MDN1: variants seen among roughly 807,000 people sequenced by gnomAD.
MDN1 encodes midasin.
A neutral mutation model predicts 669.2 loss-of-function variants in MDN1; 266 were observed. The observed-to-expected ratio is 0.40, with a 90% CI of 0.36 to 0.44. The LOEUF (loss-of-function observed/expected upper bound fraction) is 0.44, where lower values mean the gene tolerates loss of function less well. MDN1 is among the 20% of genes least tolerant of loss of function. The probability of loss-of-function intolerance (pLI) is 1.00; values close to 1 mark genes in which losing one functional copy is unlikely to be tolerated. For missense variants in MDN1, 5,940 were observed against 6,754.0 expected, an observed-to-expected ratio of 0.88 and a Z score of 4.22; for synonymous variants, 2,385 against 2,457.1, an observed-to-expected ratio of 0.97 and a Z score of 0.87.
intron 70 of MDN1, 105 bp downstream of exon 70, chr6:89,685,722 G>A (rs2128307164): frequency 3.2e-6 from 4 of 1,237,650 alleles, no homozygotes; most frequent in Non-Finnish European, 4.4e-6. Flanking sequence ...AATGTGTCTT[G>A]TTTAAAACCT....
At position 89,713,283 on chromosome 6, in the gene MDN1, A is replaced by C. The variant is rs1360226432; in HGVS notation, c.7083T>G (p.Ser2361=). 3 of 1,610,140 alleles carry C rather than the reference A, an allele frequency of 1.9e-6. No individual in the cohort carries two copies. The highest frequency in any genetic ancestry group is 2.7e-5 in the African/African-American group (2 of 74,590). The change falls in exon 47 of 102, where the codon TCT becomes TCG. Residue 2361 remains serine (S), a synonymous_variant. Coordinates refer to ENST00000369393, the MANE Select transcript of MDN1 (RefSeq NM_014611.3). The part of the protein sequence containing the change: ...TRSTVVGSPT[S]SVSTLIQTAI... The stretch of plus-strand genomic sequence containing the variant: ...CTGTCTGGATTAGAGTTGATACAGA[A>C]GATGTTGGAGAACCTATTAAAAAAA...
At chr6:89,783,108 GGACA>G (rs1365145547) in intron 9 of MDN1, among the ~76,000 whole-genome samples, 3 of 152,062 alleles carry the variant, frequency 2.0e-5, no homozygotes, top group Non-Finnish European at 4.4e-5. Flanking sequence ...TAGGGAACAA[GGACA>G]GACAACCATA....
rs1336122619 is a variant in MDN1 at position 89,803,880 on chromosome 6, C to T, written c.103-326G>A. Among the ~76,000 whole-genome samples the T allele has an allele frequency of 5.6e-4, 42 of 75,490 alleles. No homozygotes were observed. In the Admixed American group the frequency reaches 7.5e-3, roughly 14 times the overall value. 49.5% of individuals were successfully genotyped at this position (75,490 alleles called of 152,430 possible). A position where few individuals can be genotyped will look rare whatever the true frequency, so the allele number is the denominator to read the frequency against. ...ACAGGCGTGAGCCACCGCGCCCGGC[C>T]TTTTCTTTTCTTTTCTTTTTTTTTT... On this transcript the variant is annotated intron_variant, in intron 1 of 101. Transcript: ENST00000369393.
Position 89,700,129 on chromosome 6 carries a change from T to C in MDN1, c.8804A>G (p.Glu2935Gly). 6.2e-7 allele frequency: 1 copy of C among 1,614,182 alleles called. No homozygotes were observed. ...TRSVQLWPAMEYLAMLWRYKV... is the reference protein window; with the variant it reads ...TRSVQLWPAMGYLAMLWRYKV... ...GTACCGCCAAAGCATAGCCAGGTAC[T>C]CCATTGCAGGCCACAACTGAACACT... Residue 2935 changes from glutamate (E) to glycine (G), a missense_variant, in exon 57 of 102, where the codon GAG (glutamate) becomes GGG (glycine). Glu to Gly is a moderately conservative substitution (Grantham distance 98, BLOSUM62 -2). Coordinates refer to ENST00000369393, the MANE Select transcript of MDN1 (RefSeq NM_014611.3).
rs181023066 is a variant in MDN1 at position 89,789,078 on chromosome 6, C to T, written c.1230+702G>A. Among the ~76,000 whole-genome samples, 495 of 151,804 alleles carry T rather than the reference C, an allele frequency of 3.3e-3. 2 individuals are homozygous for T. Among genetic ancestry groups the T allele is most frequent in the Non-Finnish European group, 6.0e-3 (407 of 67,970 alleles). On this transcript the variant is annotated intron_variant, in intron 7 of 101. Coordinates refer to ENST00000369393, the MANE Select transcript of MDN1 (RefSeq NM_014611.3). ...GACGGAGGCTGCAGTGAGCCGAGAT[C>T]GTGCTACTGCACTCCAGCCGGGTCA...
In MDN1 at chr6:89,695,596, C is replaced by T; in HGVS notation, c.9771+9G>A. ...AGGAGCCCATGCTCCATACTCTTGCCTCCCATACCTCTTCCTTGACGTAAT... is the reference window on the plus strand; with the variant it reads ...AGGAGCCCATGCTCCATACTCTTGCTTCCCATACCTCTTCCTTGACGTAAT... On this transcript the variant is annotated intron_variant, in intron 61 of 101. Transcript: ENST00000369393. This position sits in a 1 kb window ranked among gnomAD's most constrained non-coding sequence, Gnocchi z 4.1. 2.5e-6 allele frequency: 4 copies of T among 1,575,306 alleles called. No individual in the cohort carries two copies. The highest frequency in any genetic ancestry group is 3.5e-6 in the Non-Finnish European group (4 of 1,155,668).
intron 64 of MDN1, 86 bp from the exon 65 acceptor site, chr6:89,690,229 G>C: frequency 1.4e-6 from 2 of 1,397,744 alleles, no homozygotes; most frequent in Non-Finnish European, 2.0e-6. Context: ...AAAAGCATAA[G>C]AATGACTGAA....
At chr6:89,739,158 G>C (rs945415960) in intron 32 of MDN1, among the ~76,000 whole-genome samples, 1 of 152,190 alleles carries the variant, frequency 6.6e-6, no homozygotes, top group African/African-American at 2.4e-5. Context: ...TACCTCATCA[G>C]TATCATAGAC....
At chr6:89,807,487 C>CT (rs1390222119) in intron 1 of MDN1, among the ~76,000 whole-genome samples, 8 of 152,196 alleles carry the variant, frequency 5.3e-5, no homozygotes, top group African/African-American at 1.9e-4. Context: ...AGTAAAGTGT[C>CT]TTTTTTTCTG....
intron 73 of MDN1, among the ~76,000 whole-genome samples, chr6:89,681,972 G>T (rs935245414): frequency 6.6e-6 from 1 of 152,136 alleles, no homozygotes; most frequent in African/African-American, 2.4e-5. Context: ...CTCCTGAGGG[G>T]TGTCTTCCAA....
intron 26 of MDN1, among the ~76,000 whole-genome samples, chr6:89,747,890 C>CAAAA (rs55885838): frequency 1.7e-3 from 139 of 84,022 alleles, no homozygotes; most frequent in African/African-American, 6.6e-3. Flanking sequence ...GACTCCGTCT[C>CAAAA]AAAAAAAAAA....
chr6:89,725,315 C>T lies in MDN1; in HGVS notation c.5554G>A (p.Gly1852Arg), dbSNP rs775890383. Residue 1852 changes from glycine to arginine, a missense_variant, in exon 38 of 102, where the codon GGA (glycine) becomes AGA (arginine). Gly to Arg is a moderately radical substitution (Grantham distance 125). Transcript: ENST00000369393. The part of the protein sequence containing the change: ...HRGEIYVPEL[G>R]MSFQVQHEKT... ...TCATGCTGCACTTGAAAGCTCATTC[C>T]TAACTCAGGCACATAGATTTCTCCT... 8 of 1,613,860 alleles carry T rather than the reference C, an allele frequency of 5.0e-6. No individual in the cohort carries two copies. The East Asian group carries it at 1.1e-4, about 22-fold the overall frequency.
chr6:89,805,378 C>CA (rs1348686542), intron 1 of MDN1, among the ~76,000 whole-genome samples: 1 of 151,958 alleles, frequency 6.6e-6, no homozygotes, highest in African/African-American at 2.4e-5. Flanking sequence ...CCCATCGCTA[C>CA]AAAAAATAGA....
chr6:89,673,697 A>G, intron 79 of MDN1: 1 of 543,934 alleles, frequency 1.8e-6, no homozygotes, highest in Non-Finnish European at 3.2e-6. Flanking sequence ...AATGGAATAA[A>G]TTACTAAATT....
chr6:89,691,293 ACCAGACACTT>A (rs1184178114), intron 63 of MDN1, among the ~76,000 whole-genome samples: 3 of 152,380 alleles, frequency 2.0e-5, no homozygotes, highest in Non-Finnish European at 4.4e-5. Context: ...AATGTGTCTT[ACCAGACACTT>A]CTGAAATTCC....
At chr6:89,807,395 T>C (rs1196805527) in intron 1 of MDN1, among the ~76,000 whole-genome samples, 2 of 152,228 alleles carry the variant, frequency 1.3e-5, no homozygotes, top group Non-Finnish European at 2.9e-5. Context: ...GGTTTATGGT[T>C]TTTCTCAGCA....
intron 15 of MDN1, among the ~76,000 whole-genome samples, chr6:89,768,657 A>G (rs1025137986): frequency 1.3e-5 from 2 of 152,106 alleles, no homozygotes; most frequent in Non-Finnish European, 2.9e-5. Flanking sequence ...GGATCACATG[A>G]GCCTAGGAGG....
At chr6:89,803,890 C>CTTTTTT (rs370234875) in intron 1 of MDN1, among the ~76,000 whole-genome samples, 1 of 93,224 alleles carries the variant, frequency 1.1e-5, no homozygotes, top group Non-Finnish European at 2.0e-5. Flanking sequence ...CTTTTCTTTT[C>CTTTTTT]TTTTCTTTTT....
intron 1 of MDN1, among the ~76,000 whole-genome samples, chr6:89,810,005 A>T (rs1371395956): frequency 3.0e-4 from 43 of 142,276 alleles, no homozygotes; most frequent in African/African-American, 1.1e-3. Flanking sequence ...AAAAAAAAAA[A>T]AAAAAAAAAA....
Sources: gnomAD v4.1 joint callset for allele counts (sites outside exome capture counted in the v4.1 genomes callset) on GRCh38, gnomAD v4.1.1 for gene constraint, Gnocchi (gnomAD v3.1) non-coding constraint, MANE v1.5 for transcripts, NCBI Gene and HGNC (gene_info 2026-07-23, HGNC 2026-07-21) for gene names.